RAPGEF5: variants seen among roughly 807,000 people sequenced by gnomAD.
RAPGEF5 encodes the protein Rap guanine nucleotide exchange factor 5.
Under a neutral mutation model 125.2 loss-of-function variants are expected in RAPGEF5, and 65 were observed. That is an observed-to-expected ratio of 0.52 (90% confidence interval 0.43 to 0.64). RAPGEF5 has a LOEUF of 0.64. Among genes scored for constraint, RAPGEF5 ranks in the 30% least tolerant of loss-of-function variants. RAPGEF5 has a pLI of 0.00. For synonymous variants in RAPGEF5, 391 were observed against 385.9 expected (o/e 1.01, Z -0.16); for missense variants, 958 against 1,048.1 (o/e 0.91, Z 1.19).
At chr7:22,296,235 T>C (rs1783057325) in intron 5 of RAPGEF5, among the ~76,000 whole-genome samples, 2 of 152,228 alleles carry the variant, frequency 1.3e-5, no homozygotes, top group Admixed American at 6.5e-5. Context: ...TTTCATTATT[T>C]AGGGACAGCC....
rs192449400 is a variant in RAPGEF5, at chr7:22,335,568, G to A, written c.232-17531C>T. On this transcript the variant is annotated intron_variant, in intron 1 of 25. Coordinates refer to ENST00000665637, the MANE Select transcript of RAPGEF5 (RefSeq NM_012294.5). ...GCAGCCTGGGGACAAGGTGGGGTGG[G>A]TGGGGCATCTACTTCCATTTTCCTG... is the stretch of plus-strand genomic sequence containing the variant. Among the ~76,000 whole-genome samples the A allele has an allele frequency of 2.3e-3, 350 of 151,764 alleles. 4 individuals are homozygous for A. The highest frequency in any genetic ancestry group is 1.0e-3 in the Non-Finnish European group (68 of 67,900).
chr7:22,354,667 G>T (rs1000853628), intron 1 of RAPGEF5, among the ~76,000 whole-genome samples: 2 of 152,104 alleles, frequency 1.3e-5, no homozygotes, highest in Non-Finnish European at 2.9e-5. Flanking sequence ...TGATGGTGGG[G>T]CCCTCATGAT....
chr7:22,313,980 TG>T lies in RAPGEF5; in HGVS notation c.389+1389del, dbSNP rs1365835315. 9.9e-5 allele frequency among the ~76,000 whole-genome samples: 15 copies of T among 152,212 alleles called. 1 individual carries two copies. The highest frequency in any genetic ancestry group is 3.6e-4 in the African/African-American group (15 of 41,460). On this transcript the variant is annotated intron_variant, in intron 3 of 25. Transcript: ENST00000665637. ...CTAATGGGAGGAAAACAGCAGATCT[TG>T]GAGCTTTTTAAAGAGCTCCGTGAGT...
chr7:22,164,894 T>C (rs1583434824), intron 12 of RAPGEF5, among the ~76,000 whole-genome samples: 1 of 152,158 alleles, frequency 6.6e-6, no homozygotes, highest in Non-Finnish European at 1.5e-5. Context: ...CCAGCACAAA[T>C]AGCTTTAATC....
intron 9 of RAPGEF5, among the ~76,000 whole-genome samples, chr7:22,209,025 T>G (rs1785454140): frequency 6.6e-6 from 1 of 152,162 alleles, no homozygotes; most frequent in South Asian, 2.1e-4. Flanking sequence ...TGTGCACATC[T>G]CCTCTATGTG....
At chr7:22,314,347 T>C (rs1381841253) in intron 3 of RAPGEF5, among the ~76,000 whole-genome samples, 10 of 152,088 alleles carry the variant, frequency 6.6e-5, no homozygotes, top group Non-Finnish European at 1.5e-5. Context: ...GTTCAAGGTG[T>C]ACATTTAAGA....
At chr7:22,321,272 T>C (rs546196374) in intron 1 of RAPGEF5, among the ~76,000 whole-genome samples, 51 of 152,176 alleles carry the variant, frequency 3.4e-4, no homozygotes, top group African/African-American at 1.1e-3. Context: ...ATGGAGTAAC[T>C]CCAGAAATAA....
chr7:22,145,100 G>A lies in RAPGEF5; in HGVS notation c.2130C>T (p.Cys710=). 1 of 1,613,848 alleles carries A rather than the reference G, an allele frequency of 6.2e-7. No homozygotes were observed. The highest frequency in any genetic ancestry group is 8.5e-7 in the Non-Finnish European group (1 of 1,179,818). ...GCTGCACTCGCTTGCCCAGCTGGCT[G>A]CAGAGCAGAATCTCCGTGGCCACCC... ...QLWVATEILL[C]SQLGKRVQLV... The change falls in exon 20 of 26, where the codon TGC becomes TGT. Residue 710 remains cysteine (C), a synonymous_variant. Coordinates refer to ENST00000665637, the MANE Select transcript of RAPGEF5 (RefSeq NM_012294.5).
At chr7:22,237,474 A>G (rs1786223685) in intron 7 of RAPGEF5, among the ~76,000 whole-genome samples, 1 of 120,734 alleles carries the variant, frequency 8.3e-6, no homozygotes, top group Non-Finnish European at 1.8e-5. Context: ...AGGCTTCTCA[A>G]AAAAAAAAAA....
intron 2 of RAPGEF5, 28 bp from the exon 3 acceptor site, chr7:22,315,504 T>C (rs1783569845): frequency 7.3e-7 from 1 of 1,378,762 alleles, no homozygotes; most frequent in Non-Finnish European, 9.4e-7. Flanking sequence ...TCACTGTAAA[T>C]ATAGAACAAT....
intron 1 of RAPGEF5, among the ~76,000 whole-genome samples, chr7:22,318,729 C>G (rs1783654203): frequency 6.6e-6 from 1 of 152,200 alleles, no homozygotes; most frequent in Non-Finnish European, 1.5e-5. Context: ...TTCCCAGAAT[C>G]CCACCAGACT....
At chr7:22,263,575 C>G (rs1216103958) in intron 7 of RAPGEF5, among the ~76,000 whole-genome samples, 1 of 151,484 alleles carries the variant, frequency 6.6e-6, no homozygotes, top group Non-Finnish European at 1.5e-5. Context: ...ACTAAAAATA[C>G]AAAAATTAGC....
intron 9 of RAPGEF5, among the ~76,000 whole-genome samples, chr7:22,219,050 A>G (rs907406132): frequency 2.0e-5 from 3 of 152,234 alleles, no homozygotes; most frequent in African/African-American, 7.2e-5. Context: ...GGTTGAAAAC[A>G]AAATCTCAAG....
At chr7:22,277,221 A>G (rs138611010) in intron 6 of RAPGEF5, among the ~76,000 whole-genome samples, 75 of 152,332 alleles carry the variant, frequency 4.9e-4, no homozygotes, top group African/African-American at 1.8e-3. Flanking sequence ...TCAGGTTTCA[A>G]AATTCACTTT....
chr7:22,334,095 C>T (rs145251532), intron 1 of RAPGEF5, among the ~76,000 whole-genome samples: 581 of 148,044 alleles, frequency 3.9e-3, no homozygotes, highest in African/African-American at 0.013. Flanking sequence ...TACAGCGCCC[C>T]GAGTGTTCTT....
At chr7:22,141,026 G>C (rs1459941053) in intron 20 of RAPGEF5, among the ~76,000 whole-genome samples, 1 of 152,170 alleles carries the variant, frequency 6.6e-6, no homozygotes. Flanking sequence ...GCTTCCCTCA[G>C]ATGCCATCCC....
chr7:22,315,739 A>T, intron 2 of RAPGEF5, among the ~76,000 whole-genome samples: 1 of 151,868 alleles, frequency 6.6e-6, no homozygotes, highest in Non-Finnish European at 1.5e-5. Context: ...GCTTTATTTA[A>T]CTACAGTTAT....
intron 7 of RAPGEF5, among the ~76,000 whole-genome samples, chr7:22,246,549 C>T (rs915725838): frequency 6.6e-6 from 1 of 152,094 alleles, no homozygotes; most frequent in Non-Finnish European, 1.5e-5. Context: ...AAATATACCC[C>T]TACCTTTTAC....
rs1782297241 is a variant in RAPGEF5 at position 22,266,949 on chromosome 7, TA to T, written c.796+14del. On this transcript the variant is annotated intron_variant, in intron 7 of 25. Coordinates refer to ENST00000665637, the MANE Select transcript of RAPGEF5 (RefSeq NM_012294.5). Reference sequence around the variant, plus strand: ...GAATTAGAATCTTCCTCCAGCCCCATAAAAGATGACTTACCAGACTTCCTTG... The same window carrying T: ...GAATTAGAATCTTCCTCCAGCCCCATAAAGATGACTTACCAGACTTCCTTG... 1 of 1,599,880 alleles carries T rather than the reference TA, an allele frequency of 6.3e-7. No homozygotes were observed. Among genetic ancestry groups the T allele is most frequent in the African/African-American group, 1.3e-5 (1 of 74,548 alleles).
Sources: gnomAD v4.1 joint callset for allele counts (sites outside exome capture counted in the v4.1 genomes callset) on GRCh38, gnomAD v4.1.1 for gene constraint, MANE v1.5 for transcripts, NCBI Gene and HGNC (gene_info 2026-07-23, HGNC 2026-07-21) for gene names.